GINS4: variants seen among roughly 807,000 people sequenced by gnomAD.
GINS4 encodes DNA replication complex GINS protein SLD5.
GINS4 carries 20 observed loss-of-function variants against 31.1 expected under a neutral mutation model. That is an observed-to-expected ratio of 0.64 (90% CI 0.45 to 0.93). GINS4 has a LOEUF of 0.93. GINS4 is among the 40% of genes least tolerant of loss of function. GINS4 has a pLI of 0.00. For missense variants in GINS4, 245 were observed against 273.9 expected, an observed-to-expected ratio of 0.89 and a Z score of 0.75; for synonymous variants, 85 against 97.9, an observed-to-expected ratio of 0.87 and a Z score of 0.78.
At chr8:41,539,885 C>T in intron 5 of GINS4, 31 bp from the exon 6 acceptor site, 1 of 1,592,348 alleles carries the variant, frequency 6.3e-7, no homozygotes, top group Non-Finnish European at 8.6e-7. Flanking sequence ...CAGCTGTGTA[C>T]ACCACAGCGA....
At chr8:41,536,779 T>C (rs117631444) in intron 3 of GINS4, among the ~76,000 whole-genome samples, 1,945 of 152,310 alleles carry the variant, frequency 0.013, 19 homozygotes, top group Non-Finnish European at 0.02. Flanking sequence ...CCTCCCCACC[T>C]GGCCCCTGCA....
At chr8:41,541,172 C>T (rs1428761793) in intron 6 of GINS4, among the ~76,000 whole-genome samples, 2 of 152,034 alleles carry the variant, frequency 1.3e-5, no homozygotes, top group Admixed American at 6.6e-5. Context: ...TGGGCTCAAG[C>T]GATCCTCCCA....
At chr8:41,535,202 G>A (rs1021970193) in intron 2 of GINS4, among the ~76,000 whole-genome samples, 1 of 152,110 alleles carries the variant, frequency 6.6e-6, no homozygotes, top group Admixed American at 6.5e-5. Context: ...GCTGGGCATA[G>A]TGGCACATGC....
intron 6 of GINS4, among the ~76,000 whole-genome samples, chr8:41,540,983 C>G (rs938176024): frequency 1.3e-5 from 2 of 152,210 alleles, no homozygotes; most frequent in African/African-American, 4.8e-5. Context: ...CAAGCAGACT[C>G]TCAGGCTACT....
Position 41,536,302 on chromosome 8 carries a change from C to T in GINS4, c.97-58C>T. 9 of 1,040,756 alleles carry T rather than the reference C, an allele frequency of 8.6e-6. No individual in the cohort carries two copies. The South Asian group carries it at 1.1e-4, about 13-fold the overall frequency. The allele number at this position is 1,040,756 out of a possible 1,614,324, so 64.5% of individuals were successfully genotyped here. The stretch of plus-strand genomic sequence containing the variant: ...TTTTCGTTGGACTTGGGCTGACTCA[C>T]TGGGTTGTTTAGCTCTGTGGTGGGT... On this transcript the variant is annotated intron_variant, in intron 2 of 7. Coordinates refer to ENST00000276533, the MANE Select transcript of GINS4 (RefSeq NM_032336.3).
At chr8:41,537,492 C>T (rs1374925989) in intron 4 of GINS4, 199 bp downstream of exon 4, 2 of 531,546 alleles carry the variant, frequency 3.8e-6, no homozygotes, top group African/African-American at 1.9e-5. Context: ...GTGTGGCCCA[C>T]TGCGGGGACA....
At chr8:41,531,948 C>T (rs1323094980) in intron 2 of GINS4, among the ~76,000 whole-genome samples, 3 of 152,306 alleles carry the variant, frequency 2.0e-5, no homozygotes, top group East Asian at 1.9e-4. Context: ...TGCACCACCA[C>T]GCCTGGCTAC....
At chr8:41,536,960 A>G in intron 3 of GINS4, 1 of 512,086 alleles carries the variant, frequency 2.0e-6, no homozygotes, top group Non-Finnish European at 3.5e-6. Flanking sequence ...TTACAATCAG[A>G]TTGGAGTTCT....
At chr8:41,536,507 C>T (rs1806744115) in intron 3 of GINS4, 61 bp downstream of exon 3, 1 of 971,968 alleles carries the variant, frequency 1.0e-6, no homozygotes, top group Non-Finnish European at 1.6e-6. Context: ...TTGGTCAGCA[C>T]ACTGAGAGCT....
Position 41,543,357 on chromosome 8 carries a change from G to C in GINS4, c.*1270G>C, listed in dbSNP as rs561990628. The C allele has an allele frequency of 6.6e-6, 1 of 152,164 alleles. No individual in the cohort carries two copies. The highest frequency in any genetic ancestry group is 2.1e-4 in the South Asian group (1 of 4,836). 9.4% of individuals were successfully genotyped at this position (152,164 alleles called of 1,614,324 possible). A position where few individuals can be genotyped will look rare whatever the true frequency, so the allele number is the denominator to read the frequency against. On this transcript the variant is annotated 3_prime_UTR_variant, in exon 8 of 8. Transcript: ENST00000276533. ...CAGCAGCTTTGCCAAGTCAGCCTCC[G>C]GGCCATCTGGCTGTCCTTGGCCAAG...
rs910322125 is a variant in GINS4, at chr8:41,543,415, T to C, written c.*1328T>C. On this transcript the variant is annotated 3_prime_UTR_variant, in exon 8 of 8. Transcript: ENST00000276533. ...TAACGGAGTGACGTTAACCATCTTG[T>C]ATTGTGACCTGTGGCCGCTTTTCTG... is the stretch of plus-strand genomic sequence containing the variant. 1 of 152,142 alleles carries C rather than the reference T, an allele frequency of 6.6e-6. No individual in the cohort carries two copies. Among genetic ancestry groups the C allele is most frequent in the African/African-American group, 2.4e-5 (1 of 41,396 alleles). The allele number at this position is 152,142 out of a possible 1,614,324, so 9.4% of individuals were successfully genotyped here.
In GINS4 at chr8:41,529,337, G is replaced by C. The variant is rs1382331000; in HGVS notation, c.-79G>C. The C allele has an allele frequency of 6.5e-6, 1 of 153,014 alleles. No homozygotes were observed. Among genetic ancestry groups the C allele is most frequent in the Non-Finnish European group, 1.5e-5 (1 of 68,714 alleles). The allele number at this position is 153,014 out of a possible 1,614,324, so 9.5% of individuals were successfully genotyped here. On this transcript the variant is annotated 5_prime_UTR_variant, in exon 1 of 8. Coordinates refer to ENST00000276533, the MANE Select transcript of GINS4 (RefSeq NM_032336.3). The stretch of plus-strand genomic sequence containing the variant: ...CCTGGTGCCCCGACTGCGTCCCCAC[G>C]AACGCCCCGTCCTTACCGCCGGCTG...
At chr8:41,534,278 G>A in intron 2 of GINS4, 1 of 425,626 alleles carries the variant, frequency 2.3e-6, no homozygotes, top group Non-Finnish European at 4.7e-6. Flanking sequence ...TTTGTGGTAT[G>A]TACCTTTAGT....
intron 4 of GINS4, among the ~76,000 whole-genome samples, 187 bp from the exon 5 acceptor site, chr8:41,539,491 C>T (rs1276729304): frequency 6.6e-6 from 1 of 152,106 alleles, no homozygotes; most frequent in Non-Finnish European, 1.5e-5. Context: ...AGGTCCATAG[C>T]TTGCCTGCAA....
At chr8:41,529,893 C>G (rs921672616) in intron 1 of GINS4, 1 of 253,114 alleles carries the variant, frequency 4.0e-6, no homozygotes. Context: ...AACAAGACCT[C>G]TACTGGGAAG....
At chr8:41,537,100 C>T in intron 3 of GINS4, 80 bp from the exon 4 acceptor site, 2 of 821,012 alleles carry the variant, frequency 2.4e-6, no homozygotes, top group Non-Finnish European at 4.1e-6. Flanking sequence ...TGGACTGAAA[C>T]ATAGTCTGGG....
At chr8:41,533,545 G>A (rs556950336) in intron 2 of GINS4, among the ~76,000 whole-genome samples, 5 of 152,314 alleles carry the variant, frequency 3.3e-5, no homozygotes, top group South Asian at 2.1e-4. Context: ...CCACCTGCAC[G>A]GCTGCCACAG....
chr8:41,532,606 G>C (rs1806665321), intron 2 of GINS4, among the ~76,000 whole-genome samples: 1 of 152,026 alleles, frequency 6.6e-6, no homozygotes, highest in Non-Finnish European at 1.5e-5. Context: ...AGACCGAGAG[G>C]GGCGGATCAC....
intron 4 of GINS4, 103 bp from the exon 5 acceptor site, chr8:41,539,575 T>C: frequency 1.2e-6 from 1 of 808,012 alleles, no homozygotes; most frequent in South Asian, 1.6e-5. Flanking sequence ...CCAGGCCACA[T>C]GTCCTTCCTC....
Sources: gnomAD v4.1 joint callset for allele counts (sites outside exome capture counted in the v4.1 genomes callset) on GRCh38, gnomAD v4.1.1 for gene constraint, MANE v1.5 for transcripts, NCBI Gene and HGNC (gene_info 2026-07-23, HGNC 2026-07-21) for gene names.